Variants in SRRM2 observed in about 807,000 individuals in gnomAD.
SRRM2 encodes serine/arginine repetitive matrix 2.
In SRRM2, 30 loss-of-function variants were observed where a neutral mutation model predicts 213.8. The ratio of observed to expected loss-of-function variants is 0.14; its 90% CI spans 0.10 to 0.19. SRRM2 has a LOEUF of 0.19. Among genes scored for constraint, SRRM2 ranks in the 10% least tolerant of loss-of-function variants. The pLI is 1.00. For synonymous variants in SRRM2, 2,025 were observed against 1,377.7 expected, an observed-to-expected ratio of 1.47 and a Z score of -10.40; for missense variants, 4,904 against 3,647.0, an observed-to-expected ratio of 1.34 and a Z score of -8.88.
At position 2,765,191 on chromosome 16, in the gene SRRM2, G is replaced by A; in HGVS notation, c.4663G>A (p.Glu1555Lys). Residue 1555 changes from glutamate to lysine, a missense_variant, in exon 11 of 15, where the codon GAA becomes AAA. Physicochemically the swap from Glu to Lys is moderately conservative, Grantham distance 56. Coordinates refer to ENST00000301740, the MANE Select transcript of SRRM2 (RefSeq NM_016333.4). ...LDVKPSASPQ[E>K]RSESDSSPDS... ...TGTGAAACCCAGTGCATCCCCTCAG[G>A]AAAGAAGTGAGTCAGACTCTTCTCC... is the stretch of plus-strand genomic sequence containing the variant. 1 of 1,614,022 alleles carries A rather than the reference G, an allele frequency of 6.2e-7. No homozygotes were observed. The highest frequency in any genetic ancestry group is 2.2e-5 in the East Asian group (1 of 44,892).
intron 2 of SRRM2, 79 bp downstream of exon 2, chr16:2,756,685 A>AG: frequency 6.6e-7 from 1 of 1,517,282 alleles, no homozygotes. Flanking sequence ...TAGGGAGCTT[A>AG]GGGTGGTTGA....
At chr16:2,768,802 C>G (rs1199666055) in intron 11 of SRRM2, 195 bp from the exon 12 acceptor site, 1 of 1,080,002 alleles carries the variant, frequency 9.3e-7, no homozygotes, top group Non-Finnish European at 1.4e-6. Flanking sequence ...CGGGCCCCAG[C>G]CTGTTGCTTC....
chr16:2,771,401 G>C lies in SRRM2; in HGVS notation c.*534G>C. On this transcript the variant is annotated 3_prime_UTR_variant, in exon 15 of 15. Coordinates refer to ENST00000301740, the MANE Select transcript of SRRM2 (RefSeq NM_016333.4). ...AACTTTTTCTGTCAAATAAAAATGA[G>C]AAATGCAGGAACTGGGTCTGTAGAC... The C allele has an allele frequency of 6.2e-7, 1 of 1,610,462 alleles. No homozygotes were observed. The highest frequency in any genetic ancestry group is 2.2e-5 in the East Asian group (1 of 44,868).
chr16:2,768,139 G>A lies in SRRM2; in HGVS notation c.7611G>A (p.Ser2537=), dbSNP rs202145894. 11 of 1,613,590 alleles carry A rather than the reference G, an allele frequency of 6.8e-6. No homozygotes were observed. Among genetic ancestry groups the A allele is most frequent in the African/African-American group, 2.7e-5 (2 of 75,000 alleles). ...AKERRSSSSS[S]SSSSSSSSSS... Reference sequence around the variant, plus strand: ...AGCGGCGGAGTTCCTCCTCGTCGTCGTCGTCCTCTAGCTCCTCCTCTTCTT... The same window carrying A: ...AGCGGCGGAGTTCCTCCTCGTCGTCATCGTCCTCTAGCTCCTCCTCTTCTT... Residue 2537 remains serine (S), a synonymous_variant, in exon 11 of 15, where the codon TCG becomes TCA. Transcript: ENST00000301740.
At position 2,765,655 on chromosome 16, in the gene SRRM2, T is replaced by A; in HGVS notation, c.5127T>A (p.Ser1709=). The change falls in exon 11 of 15, where the codon TCT becomes TCA. Residue 1709 remains serine (S), a synonymous_variant. Coordinates refer to ENST00000301740, the MANE Select transcript of SRRM2 (RefSeq NM_016333.4). Reference sequence around the variant, plus strand: ...CCAGACTGTCCCGTAGAAGCCGCTCTGCCTCATCCTCACCAGAAACTCGCT... The same window carrying A: ...CCAGACTGTCCCGTAGAAGCCGCTCAGCCTCATCCTCACCAGAAACTCGCT... ...RKARLSRRSR[S]ASSSPETRSR... is the part of the protein sequence containing the mutation. The A allele has an allele frequency of 6.2e-7, 1 of 1,614,148 alleles. No individual in the cohort carries two copies. Among genetic ancestry groups the A allele is most frequent in the Non-Finnish European group, 8.5e-7 (1 of 1,180,002 alleles).
At position 2,769,311 on chromosome 16, in the gene SRRM2, AGGT is replaced by A. The variant is rs755503048; in HGVS notation, c.8021+30_8021+32del. 16 of 1,535,304 alleles carry A rather than the reference AGGT, an allele frequency of 1.0e-5. No homozygotes were observed. The African/African-American group carries it at 2.1e-4, about 20-fold the overall frequency. ...TGAGTGCTGTCTTGCCTGAGTTGAA[AGGT>A]GGGTGGGGGAGTGACTTGTCCAGAG... On this transcript the variant is annotated intron_variant, in intron 12 of 14. Coordinates refer to ENST00000301740, the MANE Select transcript of SRRM2 (RefSeq NM_016333.4).
chr16:2,762,913 G>T lies in SRRM2; in HGVS notation c.2385G>T (p.Arg795Ser). 1 of 1,612,714 alleles carries T rather than the reference G, an allele frequency of 6.2e-7. No homozygotes were observed. Among genetic ancestry groups the T allele is most frequent in the South Asian group, 1.1e-5 (1 of 91,028 alleles). The stretch of plus-strand genomic sequence containing the variant: ...AACAAAAGTCACAGACACCACCCAG[G>T]CGCAGTCGCTCTGGATCCTCCCAAC... ...CPKQKSQTPP[R>S]RSRSGSSQPK... Residue 795 changes from arginine to serine, a missense_variant, in exon 11 of 15, where the codon AGG (arginine) becomes AGT (serine). Arg to Ser is a moderately radical substitution (Grantham distance 110). Transcript: ENST00000301740.
chr16:2,753,994 G>T (rs1288216715), intron 1 of SRRM2, among the ~76,000 whole-genome samples: 1 of 152,114 alleles, frequency 6.6e-6, no homozygotes, highest in African/African-American at 2.4e-5. Flanking sequence ...TTACCACTCG[G>T]ATAATTTCCC....
chr16:2,766,356 G>A lies in SRRM2; in HGVS notation c.5828G>A (p.Arg1943His), dbSNP rs760919344. 1.4e-5 allele frequency: 23 copies of A among 1,613,982 alleles called. No homozygotes were observed. The highest frequency in any genetic ancestry group is 2.7e-5 in the African/African-American group (2 of 74,910). The change falls in exon 11 of 15, where the codon CGC (arginine) becomes CAC (histidine). Residue 1943 changes from arginine to histidine, a missense_variant. Transcript: ENST00000301740. This position sits in a 1 kb window ranked among gnomAD's most constrained non-coding sequence, Gnocchi z 7.0. ...RRSRSRTPTTRRRSRSRTPPV... is the reference protein window; with the variant it reads ...RRSRSRTPTTHRRSRSRTPPV... ...TCAAGGTCTAGAACGCCAACAACAC[G>A]CCGCCGCTCCCGTTCTAGAACTCCA...
rs1329545701 is a variant in SRRM2 at position 2,762,398 on chromosome 16, A to G, written c.1870A>G (p.Arg624Gly). The G allele has an allele frequency of 1.9e-6, 3 of 1,614,090 alleles. No homozygotes were observed. Among genetic ancestry groups the G allele is most frequent in the Non-Finnish European group, 1.7e-6 (2 of 1,180,048 alleles). Reference sequence around the variant, plus strand: ...TCGGTCTAGAACACCTGCTAGGCGCAGATCTAGGACCCGATCACCAGTACG... The same window carrying G: ...TCGGTCTAGAACACCTGCTAGGCGCGGATCTAGGACCCGATCACCAGTACG... The part of the protein sequence containing the change: ...RSRSRTPARR[R>G]SRTRSPVRRR... Residue 624 changes from arginine to glycine, a missense_variant, in exon 11 of 15, where the codon AGA (arginine) becomes GGA (glycine). Transcript: ENST00000301740.
At position 2,769,373 on chromosome 16, in the gene SRRM2, G is replaced by T; in HGVS notation, c.8021+89G>T. ...CTGGGGTGTGAGCTCCCCGCTGGGTGTCTCACGTGGCCTTGGGCATCTGGT... is the reference window on the plus strand; with the variant it reads ...CTGGGGTGTGAGCTCCCCGCTGGGTTTCTCACGTGGCCTTGGGCATCTGGT... On this transcript the variant is annotated intron_variant, in intron 12 of 14. Transcript: ENST00000301740. The T allele has an allele frequency of 4.9e-6, 7 of 1,430,636 alleles. No homozygotes were observed. In the South Asian group the frequency reaches 9.7e-5, roughly 20 times the overall value. The allele number at this position is 1,430,636 out of a possible 1,614,324, so 88.6% of individuals were successfully genotyped here.
rs781172295 is a variant in SRRM2 at position 2,765,304 on chromosome 16, C to G, written c.4776C>G (p.Ser1592=). The change falls in exon 11 of 15, where the codon TCC becomes TCG. Residue 1592 remains serine (S), a synonymous_variant. Transcript: ENST00000301740. ...AGGTTGACAGCAAATCTCGACTATC[C>G]CCTCGGCGCAGTAGGTCTGGTTCCT... ...SPEVDSKSRL[S]PRRSRSGSSP... is the part of the protein sequence containing the mutation. 4 of 1,613,960 alleles carry G rather than the reference C, an allele frequency of 2.5e-6. No homozygotes were observed. Among genetic ancestry groups the G allele is most frequent in the Non-Finnish European group, 2.5e-6 (3 of 1,180,028 alleles).
Position 2,763,013 on chromosome 16 carries a change from A to G in SRRM2, c.2485A>G (p.Thr829Ala). Reference sequence around the variant, plus strand: ...TCCGCCACCTAAACAGAAATCTAAGACACCATCAAGACAAAGTCATTCCAG... The same window carrying G: ...TCCGCCACCTAAACAGAAATCTAAGGCACCATCAAGACAAAGTCATTCCAG... ...SSPPPKQKSK[T>A]PSRQSHSSSS... The change falls in exon 11 of 15, where the codon ACA becomes GCA. Residue 829 changes from threonine to alanine, a missense_variant. By Grantham distance (58) the Thr-to-Ala change is moderately conservative. Coordinates refer to ENST00000301740, the MANE Select transcript of SRRM2 (RefSeq NM_016333.4). 6.2e-7 allele frequency: 1 copy of G among 1,614,128 alleles called. No homozygotes were observed. Among genetic ancestry groups the G allele is most frequent in the Non-Finnish European group, 8.5e-7 (1 of 1,180,012 alleles).
chr16:2,769,315 G>A, intron 12 of SRRM2, 31 bp downstream of exon 12: 1 of 1,530,724 alleles, frequency 6.5e-7, no homozygotes, highest in Non-Finnish European at 8.8e-7. Context: ...GTTGAAAGGT[G>A]GGTGGGGGAG....
At position 2,771,270 on chromosome 16, in the gene SRRM2, G is replaced by C. The variant is rs1053639407; in HGVS notation, c.*403G>C. On this transcript the variant is annotated 3_prime_UTR_variant, in exon 15 of 15. Coordinates refer to ENST00000301740, the MANE Select transcript of SRRM2 (RefSeq NM_016333.4). Reference sequence around the variant, plus strand: ...TCTTGGAAGGAAGGGGCAGGAGTTGGAATTAGTTGGTCCCTACTGTCCCCC... The same window carrying C: ...TCTTGGAAGGAAGGGGCAGGAGTTGCAATTAGTTGGTCCCTACTGTCCCCC... 2.5e-6 allele frequency: 2 copies of C among 784,960 alleles called. No individual in the cohort carries two copies. Among genetic ancestry groups the C allele is most frequent in the African/African-American group, 1.7e-5 (1 of 58,022 alleles). 48.6% of individuals were successfully genotyped at this position (784,960 alleles called of 1,614,324 possible).
Position 2,767,553 on chromosome 16 carries a change from G to A in SRRM2, c.7025G>A (p.Arg2342Gln), listed in dbSNP as rs750627041. 8 of 1,613,980 alleles carry A rather than the reference G, an allele frequency of 5.0e-6. No individual in the cohort carries two copies. The highest frequency in any genetic ancestry group is 2.2e-5 in the South Asian group (2 of 91,080). The change falls in exon 11 of 15, where the codon CGG (arginine) becomes CAG (glutamine). Residue 2342 changes from arginine to glutamine, a missense_variant. By Grantham distance (43) the Arg-to-Gln change is conservative. Transcript: ENST00000301740. ...GCCTCTGCAAACCTGGTGGGTCCTC[G>A]GTCTGCACATGCCACAGCTCCTGTG... ...APASANLVGP[R>Q]SAHATAPVNI...
chr16:2,762,918 G>A lies in SRRM2; in HGVS notation c.2390G>A (p.Ser797Asn), dbSNP rs1488641041. ...KQKSQTPPRR[S>N]RSGSSQPKAK... ...AAGTCACAGACACCACCCAGGCGCA[G>A]TCGCTCTGGATCCTCCCAACCTAAA... Residue 797 changes from serine to asparagine, a missense_variant, in exon 11 of 15, where the codon AGT becomes AAT. Transcript: ENST00000301740. 1 of 1,610,048 alleles carries A rather than the reference G, an allele frequency of 6.2e-7. No homozygotes were observed. The highest frequency in any genetic ancestry group is 1.1e-5 in the South Asian group (1 of 90,904).
chr16:2,754,322 C>T (rs1051524614), intron 1 of SRRM2, among the ~76,000 whole-genome samples: 21 of 150,658 alleles, frequency 1.4e-4, no homozygotes, highest in African/African-American at 4.6e-4. Context: ...GAGACGGAGT[C>T]TAGCTCTGTT....
At position 2,764,629 on chromosome 16, in the gene SRRM2, A is replaced by G. The variant is rs751895008; in HGVS notation, c.4101A>G (p.Pro1367=). The G allele has an allele frequency of 1.2e-6, 2 of 1,614,236 alleles. No individual in the cohort carries two copies. The highest frequency in any genetic ancestry group is 1.1e-5 in the South Asian group (1 of 91,090). Residue 1367 remains proline (P), a synonymous_variant, in exon 11 of 15, where the codon CCA becomes CCG. Transcript: ENST00000301740. ...GPFLNQLETD[P]SLDMKEQSTR... is the part of the protein sequence containing the mutation. ...TTCTTAATCAGCTGGAAACAGATCC[A>G]TCTCTAGACATGAAAGAACAATCGA... is the stretch of plus-strand genomic sequence containing the variant.
Sources: allele counts gnomAD v4.1 joint callset (sites outside exome capture counted in the v4.1 genomes callset), GRCh38; gene constraint gnomAD v4.1.1; non-coding constraint Gnocchi (gnomAD v3.1); transcripts MANE v1.5; gene names NCBI Gene and HGNC (gene_info 2026-07-23, HGNC 2026-07-21).